ESRRG: variants seen among roughly 807,000 people sequenced by gnomAD.
The protein encoded by ESRRG is estrogen related receptor gamma, also known as estrogen-related receptor gamma.
In ESRRG, 13 loss-of-function variants were observed where a neutral mutation model predicts 44.0. That is an observed-to-expected ratio of 0.30 (90% CI 0.19 to 0.47). The LOEUF (loss-of-function observed/expected upper bound fraction) is 0.47. Ranked by LOEUF, ESRRG falls within the 20% of genes least tolerant of loss-of-function variation. The probability of loss-of-function intolerance (pLI) is 1.00; values close to 1 mark genes in which losing one functional copy is unlikely to be tolerated. For synonymous variants in ESRRG, 215 were observed against 214.6 expected (o/e 1.00, Z -0.02); for missense variants, 395 against 580.6 (o/e 0.68, Z 3.29).
chr1:216,832,868 C>G (rs1022061265), intron 2 of ESRRG, among the ~76,000 whole-genome samples: 1 of 151,912 alleles, frequency 6.6e-6, no homozygotes, highest in Non-Finnish European at 1.5e-5. Context: ...CCCAGCTACT[C>G]AGGAGGCTGA....
At chr1:216,695,385 C>A (rs1284479140) in intron 1 of ESRRG, among the ~76,000 whole-genome samples, 1 of 152,038 alleles carries the variant, frequency 6.6e-6, no homozygotes, top group African/African-American at 2.4e-5. Flanking sequence ...ACTGCAATTA[C>A]CTGGTTGTAA....
chr1:216,985,102 T>C (rs2074649155), intron 1 of ESRRG, among the ~76,000 whole-genome samples: 1 of 152,188 alleles, frequency 6.6e-6, no homozygotes, highest in African/African-American at 2.4e-5. Flanking sequence ...CTTCCAAGGC[T>C]ACTTTTACAA....
intron 2 of ESRRG, among the ~76,000 whole-genome samples, chr1:216,801,672 G>C (rs772794790): frequency 6.6e-6 from 1 of 152,092 alleles, no homozygotes; most frequent in Non-Finnish European, 1.5e-5. Flanking sequence ...GTTTCGATTT[G>C]CATCTCCCTA....
chr1:216,705,352 G>GA (rs71556662), intron 1 of ESRRG, among the ~76,000 whole-genome samples: 1 of 151,366 alleles, frequency 6.6e-6, no homozygotes, highest in Non-Finnish European at 1.5e-5. Flanking sequence ...ATCTAGTAAG[G>GA]AAAAAAAGGA....
intron 1 of ESRRG, among the ~76,000 whole-genome samples, chr1:217,049,575 G>GA (rs535452929): frequency 5.8e-4 from 89 of 152,272 alleles, no homozygotes; most frequent in African/African-American, 2.0e-3. Flanking sequence ...GAGAAGAGAA[G>GA]AAAAAAGAAT....
intron 1 of ESRRG, among the ~76,000 whole-genome samples, chr1:216,983,334 T>C (rs1374136838): frequency 6.6e-6 from 1 of 151,602 alleles, no homozygotes; most frequent in Non-Finnish European, 1.5e-5. Context: ...TGGGCTCAAG[T>C]GATCCTCTGA....
At chr1:216,767,053 T>C (rs557401570) in intron 2 of ESRRG, among the ~76,000 whole-genome samples, 1 of 152,250 alleles carries the variant, frequency 6.6e-6, no homozygotes, top group South Asian at 2.1e-4. Flanking sequence ...CAACTCCCTG[T>C]TCTAACAGGC....
At chr1:216,704,669 A>G (rs1187907521) in intron 1 of ESRRG, among the ~76,000 whole-genome samples, 1 of 152,220 alleles carries the variant, frequency 6.6e-6, no homozygotes, top group Non-Finnish European at 1.5e-5. Flanking sequence ...TCAGTTAACA[A>G]ATAAGATATA....
At chr1:216,644,846 C>G (rs566342739) in intron 3 of ESRRG, among the ~76,000 whole-genome samples, 12 of 152,244 alleles carry the variant, frequency 7.9e-5, no homozygotes, top group African/African-American at 2.9e-4. Context: ...ATTGTTTCCT[C>G]CATAGGAAAT....
At chr1:216,604,536 C>G (rs1365882335) in intron 3 of ESRRG, among the ~76,000 whole-genome samples, 3 of 152,060 alleles carry the variant, frequency 2.0e-5, no homozygotes, top group Non-Finnish European at 4.4e-5. Context: ...TCCCAGCCCC[C>G]CATATCACAA....
chr1:216,981,313 T>C (rs2073927099), intron 1 of ESRRG, among the ~76,000 whole-genome samples: 1 of 152,210 alleles, frequency 6.6e-6, no homozygotes, highest in Non-Finnish European at 1.5e-5. Context: ...CGTAATCTAA[T>C]ACAAGGTGCA....
intron 3 of ESRRG, among the ~76,000 whole-genome samples, chr1:216,643,333 A>G (rs1357928728): frequency 1.3e-5 from 2 of 152,180 alleles, no homozygotes; most frequent in African/African-American, 4.8e-5. Context: ...CTCAGAATAA[A>G]CAGAACATCT....
chr1:217,076,704 G>T (rs1231909285), intron 1 of ESRRG: 1 of 152,158 alleles, frequency 6.6e-6, no homozygotes, highest in Non-Finnish European at 1.5e-5. Flanking sequence ...AGAAAAGACA[G>T]TTGTACCATT....
chr1:216,660,139 T>C (rs2071886569), intron 2 of ESRRG, among the ~76,000 whole-genome samples: 1 of 152,210 alleles, frequency 6.6e-6, no homozygotes, highest in South Asian at 2.1e-4. Context: ...CCCCTTGTTT[T>C]ATATAGAAGA....
At chr1:216,702,737 A>G (rs367830699) in intron 1 of ESRRG, among the ~76,000 whole-genome samples, 1 of 148,738 alleles carries the variant, frequency 6.7e-6, no homozygotes, top group South Asian at 2.1e-4. Context: ...AGATCACGCC[A>G]CTGCACTCCA....
chr1:216,698,547 A>G (rs914570536), intron 1 of ESRRG, among the ~76,000 whole-genome samples: 1 of 149,434 alleles, frequency 6.7e-6, no homozygotes, highest in African/African-American at 2.4e-5. Flanking sequence ...AAAAATTTGC[A>G]AGTTTCCTCC....
chr1:216,626,909 C>A (rs969110790), intron 3 of ESRRG, among the ~76,000 whole-genome samples: 1 of 152,180 alleles, frequency 6.6e-6, no homozygotes, highest in African/African-American at 2.4e-5. Context: ...GTAAGTTATT[C>A]CATGGAGCTA....
At chr1:216,579,780 G>C (rs1256208595) in intron 3 of ESRRG, among the ~76,000 whole-genome samples, 2 of 152,124 alleles carry the variant, frequency 1.3e-5, no homozygotes, top group Non-Finnish European at 2.9e-5. Context: ...CCATTCACAA[G>C]GCAGCTGAAG....
chr1:216,848,141 G>A (rs1020494518), intron 2 of ESRRG, among the ~76,000 whole-genome samples: 5 of 152,032 alleles, frequency 3.3e-5, no homozygotes, highest in Non-Finnish European at 5.9e-5. Flanking sequence ...AATGGTGGGA[G>A]GTGAAATCAT....
Sources: allele counts gnomAD v4.1 joint callset (sites outside exome capture counted in the v4.1 genomes callset), GRCh38; gene constraint gnomAD v4.1.1; transcripts MANE v1.5; gene names NCBI Gene and HGNC (gene_info 2026-07-23, HGNC 2026-07-21).